Variants in STXBP4 observed in about 807,000 individuals in gnomAD.
STXBP4 encodes syntaxin binding protein 4.
In STXBP4, 55 loss-of-function variants were observed where a neutral mutation model predicts 76.1. That is an observed-to-expected ratio of 0.72 (90% CI 0.58 to 0.91). The LOEUF is 0.91. STXBP4 is among the 40% of genes least tolerant of loss of function. The probability of loss-of-function intolerance (pLI) is 0.00; values close to 1 mark genes in which losing one functional copy is unlikely to be tolerated. For missense variants in STXBP4, 618 were observed against 636.9 expected, an observed-to-expected ratio of 0.97 and a Z score of 0.32; for synonymous variants, 201 against 220.2, an observed-to-expected ratio of 0.91 and a Z score of 0.77.
At chr17:55,097,267 G>A (rs960415938) in intron 16 of STXBP4, among the ~76,000 whole-genome samples, 34 of 152,154 alleles carry the variant, frequency 2.2e-4, no homozygotes, top group African/African-American at 8.0e-4. Flanking sequence ...ACAACCTTAA[G>A]TAAATTATTC....
chr17:55,198,033 C>T, the STXBP4 span, among the ~76,000 whole-genome samples: 1 of 152,184 alleles, frequency 6.6e-6, no homozygotes, highest in African/African-American at 2.4e-5. Flanking sequence ...GCCCGAGTAG[C>T]GGCTCAAGGG....
At chr17:54,971,857 C>T (rs2077404710) in intron 1 of STXBP4, among the ~76,000 whole-genome samples, 1 of 151,914 alleles carries the variant, frequency 6.6e-6, no homozygotes, top group South Asian at 2.1e-4. Flanking sequence ...TTTCAAACTC[C>T]TGGCCTTAGG....
In STXBP4 at chr17:54,986,235, T is replaced by C. The variant is rs764561371; in HGVS notation, c.16T>C (p.Ser6Pro). The change falls in exon 3 of 18, where the codon TCT becomes CCT. Residue 6 changes from serine (S) to proline (P), a missense_variant. Ser to Pro is a moderately conservative substitution (Grantham distance 74). Transcript: ENST00000376352. ...TGGTGAAAGCATGAATAAAAATACA[T>C]CTACTGTAGTATCACCCAGTCTACT... MNKNT[S>P]TVVSPSLLEK... 8.7e-6 allele frequency: 14 copies of C among 1,603,522 alleles called. No homozygotes were observed. Among genetic ancestry groups the C allele is most frequent in the African/African-American group, 1.3e-5 (1 of 74,398 alleles).
intron 8 of STXBP4, among the ~76,000 whole-genome samples, chr17:55,014,717 A>G (rs1003683786): frequency 1.2e-4 from 18 of 152,196 alleles, no homozygotes; most frequent in Admixed American, 1.1e-3. Context: ...CCCTGGGGCA[A>G]TTGGCCTTCC....
rs1166773711 is a variant in STXBP4 at position 55,159,735 on chromosome 17, C to T, written c.1548-62C>T. ...AGAAGCAATGTCACCAGGATCAGTA[C>T]TTGCATGGATGAGTAGAAGGACAGT... is the stretch of plus-strand genomic sequence containing the variant. On this transcript the variant is annotated intron_variant, in intron 17 of 17. Transcript: ENST00000376352. 1.2e-5 allele frequency: 14 copies of T among 1,130,354 alleles called. No homozygotes were observed. In the Admixed American group the frequency reaches 1.4e-4, roughly 12 times the overall value. The allele number at this position is 1,130,354 out of a possible 1,614,324, so 70.0% of individuals were successfully genotyped here. A position where few individuals can be genotyped will look rare whatever the true frequency, so the allele number is the denominator to read the frequency against.
rs972381154 is a variant in STXBP4 at position 55,171,585 on chromosome 17, A to G, written c.*11674A>G. ...CAGTCCGTTTTGACCATACCCCATC[A>G]TGGTATTTTAGAGTACACCTGAATA... On this transcript the variant is annotated 3_prime_UTR_variant, in exon 18 of 18. Coordinates refer to ENST00000376352, the MANE Select transcript of STXBP4 (RefSeq NM_178509.6). 6.6e-6 allele frequency: 1 copy of G among 152,150 alleles called. No individual in the cohort carries two copies. Among genetic ancestry groups the G allele is most frequent in the African/African-American group, 2.4e-5 (1 of 41,426 alleles). The allele number at this position is 152,150 out of a possible 1,614,324, so 9.4% of individuals were successfully genotyped here. A position where few individuals can be genotyped will look rare whatever the true frequency, so the allele number is the denominator to read the frequency against.
chr17:55,008,584 A>G (rs577397612), intron 8 of STXBP4, among the ~76,000 whole-genome samples: 1 of 152,300 alleles, frequency 6.6e-6, no homozygotes, highest in African/African-American at 2.4e-5. Flanking sequence ...CCAAAGAAAC[A>G]GGGAAAACTG....
rs1278912257 is a variant in STXBP4, at chr17:55,169,330, G to GTATT, written c.*9423_*9426dup. On this transcript the variant is annotated 3_prime_UTR_variant, in exon 18 of 18. Coordinates refer to ENST00000376352, the MANE Select transcript of STXBP4 (RefSeq NM_178509.6). ...CAAGTCAGAGGCCAGAGAACCCAGAGTATTTATACCTCTGCACCATCAGTT... is the reference window on the plus strand; with the variant it reads ...CAAGTCAGAGGCCAGAGAACCCAGAGTATTTATTTATACCTCTGCACCATCAGTT... 1 of 131,730 alleles carries GTATT rather than the reference G, an allele frequency of 7.6e-6. No homozygotes were observed. The highest frequency in any genetic ancestry group is 1.6e-5 in the Non-Finnish European group (1 of 64,140). 8.2% of individuals were successfully genotyped at this position (131,730 alleles called of 1,614,324 possible).
In STXBP4 at chr17:55,073,011, C is replaced by A. The variant is rs776555416; in HGVS notation, c.1123C>A (p.Arg375Ser). Residue 375 changes from arginine to serine, a missense_variant, in exon 13 of 18, where the codon CGT becomes AGT. Arg to Ser is a moderately radical substitution (Grantham distance 110, BLOSUM62 -1). Transcript: ENST00000376352. Reference protein sequence around the residue: ...GMEMDYEEVIRLLEAKITELK... With the variant: ...GMEMDYEEVISLLEAKITELK... ...GGAAATGGACTATGAAGAAGTGATCCGTCTGTTAGAGGCCAAGATTACAGA... is the reference window on the plus strand; with the variant it reads ...GGAAATGGACTATGAAGAAGTGATCAGTCTGTTAGAGGCCAAGATTACAGA... 4.3e-6 allele frequency: 7 copies of A among 1,613,754 alleles called. No homozygotes were observed. The highest frequency in any genetic ancestry group is 2.7e-5 in the African/African-American group (2 of 74,874).
At chr17:55,205,781 G>A in the STXBP4 span, among the ~76,000 whole-genome samples, 41 of 151,516 alleles carry the variant, frequency 2.7e-4, no homozygotes, top group Admixed American at 2.5e-3. Context: ...ACTCTTGGTG[G>A]GAAGACAAAC....
intron 11 of STXBP4, among the ~76,000 whole-genome samples, chr17:55,045,827 G>A (rs2078778071): frequency 6.6e-6 from 1 of 152,046 alleles, no homozygotes; most frequent in Admixed American, 6.6e-5. Context: ...ATATAAAGTA[G>A]TGTACAAAGC....
chr17:55,151,992 G>T (rs1406772205), intron 17 of STXBP4, among the ~76,000 whole-genome samples: 1 of 152,112 alleles, frequency 6.6e-6, no homozygotes, highest in Non-Finnish European at 1.5e-5. Flanking sequence ...TTAGTTATTT[G>T]GTGACTTTGG....
the STXBP4 span, among the ~76,000 whole-genome samples, chr17:55,180,809 C>T: frequency 6.6e-6 from 1 of 152,148 alleles, no homozygotes; most frequent in Non-Finnish European, 1.5e-5. Flanking sequence ...GGGAGTTTCC[C>T]ATGAAGAGAC....
intron 3 of STXBP4, among the ~76,000 whole-genome samples, chr17:54,988,092 G>C (rs1440962802): frequency 1.3e-5 from 2 of 152,010 alleles, no homozygotes; most frequent in African/African-American, 4.8e-5. Context: ...TGTTTAAGAA[G>C]AACTTTCAAC....
intron 16 of STXBP4, among the ~76,000 whole-genome samples, chr17:55,109,784 G>A (rs1431359111): frequency 2.0e-5 from 3 of 151,758 alleles, no homozygotes; most frequent in Non-Finnish European, 2.9e-5. Context: ...ATTACAGGCC[G>A]TCACCACCAT....
chr17:55,022,266 A>C (rs1343156729), intron 8 of STXBP4, among the ~76,000 whole-genome samples: 1 of 152,096 alleles, frequency 6.6e-6, no homozygotes. Flanking sequence ...TGAAAACATA[A>C]AATATGCAGT....
At chr17:54,988,551 A>G (rs1168343049) in intron 3 of STXBP4, among the ~76,000 whole-genome samples, 1 of 152,116 alleles carries the variant, frequency 6.6e-6, no homozygotes, top group East Asian at 1.9e-4. Context: ...AGGCGGGTGG[A>G]TCACTTGAGG....
intron 8 of STXBP4, among the ~76,000 whole-genome samples, chr17:55,009,923 C>G (rs1468069196): frequency 6.6e-6 from 1 of 151,918 alleles, no homozygotes; most frequent in Non-Finnish European, 1.5e-5. Context: ...ATCATCTCAG[C>G]TTGAAATAGG....
At chr17:55,071,713 T>G (rs1285063015) in intron 12 of STXBP4, among the ~76,000 whole-genome samples, 1 of 152,182 alleles carries the variant, frequency 6.6e-6, no homozygotes, top group Non-Finnish European at 1.5e-5. Flanking sequence ...ATTGAATGTA[T>G]GAATGAAAAA....
Sources: gnomAD v4.1 joint callset for allele counts (sites outside exome capture counted in the v4.1 genomes callset) on GRCh38, gnomAD v4.1.1 for gene constraint, MANE v1.5 for transcripts, NCBI Gene and HGNC (gene_info 2026-07-23, HGNC 2026-07-21) for gene names.